The following ATP6V0D2 variants were observed in gnomAD, a reference collection of about 807,000 sequenced individuals.
The protein encoded by ATP6V0D2 is ATPase H+ transporting V0 subunit d2, also known as V-type proton ATPase subunit d 2.
Under a neutral mutation model 40.0 loss-of-function variants are expected in ATP6V0D2, and 40 were observed. The observed-to-expected ratio is 1.00, with a 90% CI of 0.78 to 1.30. The LOEUF is 1.30. Ranked by LOEUF, ATP6V0D2 falls within the 50% of genes most tolerant of loss-of-function variation. The probability of loss-of-function intolerance (pLI) is 0.00; values close to 1 mark genes in which losing one functional copy is unlikely to be tolerated. For synonymous variants in ATP6V0D2, 179 were observed against 156.3 expected, an observed-to-expected ratio of 1.15 and a Z score of -1.08; for missense variants, 470 against 423.1, an observed-to-expected ratio of 1.11 and a Z score of -0.97.
At position 86,153,044 on chromosome 8, in the gene ATP6V0D2, G is replaced by T. The variant is rs1819178696; in HGVS notation, c.*67G>T. 5 of 1,361,342 alleles carry T rather than the reference G, an allele frequency of 3.7e-6. No homozygotes were observed. The Admixed American group carries it at 8.0e-5, about 22-fold the overall frequency. The allele number at this position is 1,361,342 out of a possible 1,614,324, so 84.3% of individuals were successfully genotyped here. ...AAGGAAGTTATTGAAGAAAATAAAA[G>T]AAATTATGTTATATTATCTAGACTA... On this transcript the variant is annotated 3_prime_UTR_variant, in exon 8 of 8. Coordinates refer to ENST00000285393, the MANE Select transcript of ATP6V0D2 (RefSeq NM_152565.1).
chr8:86,115,515 T>G (rs1158442619), intron 2 of ATP6V0D2, among the ~76,000 whole-genome samples: 1 of 151,740 alleles, frequency 6.6e-6, no homozygotes, highest in Admixed American at 6.6e-5. Context: ...ATTGCAGGCA[T>G]GTGCTGCCAT....
intron 2 of ATP6V0D2, among the ~76,000 whole-genome samples, chr8:86,118,168 C>G (rs1202015658): frequency 7.5e-6 from 1 of 133,088 alleles, no homozygotes; most frequent in Non-Finnish European, 1.5e-5. Flanking sequence ...TCAAGTGATT[C>G]TCATGCCTCA....
Position 86,124,635 on chromosome 8 carries a change from T to G in ATP6V0D2, c.302+10755T>G, listed in dbSNP as rs556630059. 6.6e-5 allele frequency among the ~76,000 whole-genome samples: 10 copies of G among 152,300 alleles called. No individual in the cohort carries two copies. In the East Asian group the frequency reaches 1.9e-3, roughly 29 times the overall value. On this transcript the variant is annotated intron_variant, in intron 2 of 7. Coordinates refer to ENST00000285393, the MANE Select transcript of ATP6V0D2 (RefSeq NM_152565.1). ...AATGTCCCTTAGTCACTCAAAGCCT[T>G]GGTTTCCTCATCTGTAGTACAGGGA...
At chr8:86,118,026 C>CT (rs767761169) in intron 2 of ATP6V0D2, among the ~76,000 whole-genome samples, 1,876 of 108,504 alleles carry the variant, frequency 0.017, 39 homozygotes, top group African/African-American at 0.051. Context: ...TTCTTTCTTT[C>CT]TTTTTTTTTC....
intron 1 of ATP6V0D2, among the ~76,000 whole-genome samples, chr8:86,105,555 C>T (rs1277788407): frequency 6.6e-6 from 1 of 151,724 alleles, no homozygotes; most frequent in African/African-American, 2.4e-5. Flanking sequence ...ACCTCAGCCT[C>T]CCAAAGTACT....
rs536222606 is a variant in ATP6V0D2, at chr8:86,133,905, A to G, written c.303-5552A>G. 8.6e-4 allele frequency among the ~76,000 whole-genome samples: 131 copies of G among 152,268 alleles called. 1 individual carries two copies. Among genetic ancestry groups the G allele is most frequent in the African/African-American group, 2.7e-3 (114 of 41,566 alleles). On this transcript the variant is annotated intron_variant, in intron 2 of 7. Coordinates refer to ENST00000285393, the MANE Select transcript of ATP6V0D2 (RefSeq NM_152565.1). Reference sequence around the variant, plus strand: ...AAAAGAAAGGTTGAAAAAGTATTCAAAGAAATAATGGCTGAAAATTCCCCC... The same window carrying G: ...AAAAGAAAGGTTGAAAAAGTATTCAGAGAAATAATGGCTGAAAATTCCCCC...
intron 2 of ATP6V0D2, among the ~76,000 whole-genome samples, chr8:86,118,375 C>A (rs1216198754): frequency 1.3e-5 from 2 of 151,808 alleles, no homozygotes; most frequent in Non-Finnish European, 2.9e-5. Flanking sequence ...CGCCTGTCCG[C>A]AGAGTATTTT....
intron 2 of ATP6V0D2, among the ~76,000 whole-genome samples, chr8:86,121,604 G>GGAT (rs71275830): frequency 0.49 from 69,198 of 141,296 alleles, 19,807 homozygotes; most frequent in Non-Finnish European, 0.58. Context: ...AGGAGGAGGA[G>GGAT]GAGGAGGAGG....
chr8:86,141,353 C>G, intron 3 of ATP6V0D2, 97 bp from the exon 4 acceptor site: 1 of 789,082 alleles, frequency 1.3e-6, no homozygotes. Context: ...GTGTTCTTGT[C>G]AGGAGTGAGC....
Position 86,151,502 on chromosome 8 carries a change from G to A in ATP6V0D2, c.853G>A (p.Gly285Arg). 2 of 1,607,272 alleles carry A rather than the reference G, an allele frequency of 1.2e-6. No homozygotes were observed. Among genetic ancestry groups the A allele is most frequent in the Admixed American group, 1.7e-5 (1 of 58,952 alleles). ...TTTATTTGAAGCTGTAGGTGGCAGT[G>A]GGGGAAAGACATTGGAGGACGTGTT... ...KPLFEAVGGS[G>R]GKTLEDVFYE... is the part of the protein sequence containing the mutation. The change falls in exon 7 of 8, where the codon GGG becomes AGG. Residue 285 changes from glycine to arginine, a missense_variant. By Grantham distance (125) the Gly-to-Arg change is moderately radical. Coordinates refer to ENST00000285393, the MANE Select transcript of ATP6V0D2 (RefSeq NM_152565.1).
At chr8:86,145,259 AAGAAAG>A (rs1819042119) in intron 5 of ATP6V0D2, among the ~76,000 whole-genome samples, 2 of 49,260 alleles carry the variant, frequency 4.1e-5, no homozygotes, top group Non-Finnish European at 9.5e-5. Context: ...GAGAGAGAGA[AAGAAAG>A]AAAGAAAGAA....
At position 86,117,262 on chromosome 8, in the gene ATP6V0D2, G is replaced by T. The variant is rs370226927; in HGVS notation, c.302+3382G>T. Among the ~76,000 whole-genome samples the T allele has an allele frequency of 1.1e-4, 17 of 152,144 alleles. No homozygotes were observed. In the South Asian group the frequency reaches 1.5e-3, roughly 13 times the overall value. ...ATTTTATTGTACCCTGTTTAGAAAG[G>T]CCTTCACTCCAAATTCATAAATAAA... On this transcript the variant is annotated intron_variant, in intron 2 of 7. Coordinates refer to ENST00000285393, the MANE Select transcript of ATP6V0D2 (RefSeq NM_152565.1).
At chr8:86,108,681 G>A (rs558452633) in intron 1 of ATP6V0D2, among the ~76,000 whole-genome samples, 32 of 152,100 alleles carry the variant, frequency 2.1e-4, no homozygotes, top group African/African-American at 7.5e-4. Flanking sequence ...CAACCCTCCT[G>A]CCTCGGCCTC....
chr8:86,128,662 C>T (rs1277192397), intron 2 of ATP6V0D2, among the ~76,000 whole-genome samples: 2 of 152,152 alleles, frequency 1.3e-5, no homozygotes, highest in African/African-American at 4.8e-5. Flanking sequence ...TTAAAGGAAA[C>T]ATCATATAAA....
chr8:86,118,694 T>C (rs543219940), intron 2 of ATP6V0D2, among the ~76,000 whole-genome samples: 96 of 152,222 alleles, frequency 6.3e-4, no homozygotes, highest in African/African-American at 2.2e-3. Context: ...ATTCCTGAGC[T>C]GAAGGACAAA....
Position 86,113,896 on chromosome 8 carries a change from A to C in ATP6V0D2, c.302+16A>C. 13 of 1,600,076 alleles carry C rather than the reference A, an allele frequency of 8.1e-6. No individual in the cohort carries two copies. Among genetic ancestry groups the C allele is most frequent in the Non-Finnish European group, 1.1e-5 (13 of 1,172,514 alleles). On this transcript the variant is annotated intron_variant, in intron 2 of 7. Coordinates refer to ENST00000285393, the MANE Select transcript of ATP6V0D2 (RefSeq NM_152565.1). ...CCTATATGACGTAAGTGATGACAGA[A>C]AGCCCTAATAAGCCCCAATGTACTC...
At chr8:86,117,166 T>G (rs1818601199) in intron 2 of ATP6V0D2, among the ~76,000 whole-genome samples, 1 of 152,202 alleles carries the variant, frequency 6.6e-6, no homozygotes, top group Non-Finnish European at 1.5e-5. Flanking sequence ...TTTGTGGTTT[T>G]TTGCTGTGGA....
At chr8:86,152,368 G>A (rs1819170308) in intron 7 of ATP6V0D2, among the ~76,000 whole-genome samples, 1 of 152,160 alleles carries the variant, frequency 6.6e-6, no homozygotes, top group South Asian at 2.1e-4. Flanking sequence ...ATTGGGAAAA[G>A]TGCTGCAATA....
chr8:86,128,792 C>T (rs962357476), intron 2 of ATP6V0D2, among the ~76,000 whole-genome samples: 6 of 152,156 alleles, frequency 3.9e-5, no homozygotes, highest in East Asian at 1.9e-4. Context: ...TTGAGTAATA[C>T]GATTTATGGT....
Sources: gnomAD v4.1 joint callset for allele counts (sites outside exome capture counted in the v4.1 genomes callset) on GRCh38, gnomAD v4.1.1 for gene constraint, MANE v1.5 for transcripts, NCBI Gene and HGNC (gene_info 2026-07-23, HGNC 2026-07-21) for gene names.